OSBPL9: variants seen among roughly 807,000 people sequenced by gnomAD.
OSBPL9 encodes the protein oxysterol binding protein like 9.
In OSBPL9, 40 loss-of-function variants were observed where a neutral mutation model predicts 106.6. That is an observed-to-expected ratio of 0.38 (90% CI 0.29 to 0.49). The LOEUF (loss-of-function observed/expected upper bound fraction) is 0.49, where lower values mean the gene tolerates loss of function less well. Ranked by LOEUF, OSBPL9 falls within the 20% of genes least tolerant of loss-of-function variation. OSBPL9 has a pLI of 0.97. For missense variants in OSBPL9, 609 were observed against 887.2 expected (o/e 0.69, Z 3.98); for synonymous variants, 269 against 295.4 (o/e 0.91, Z 0.92).
At chr1:51,634,886 A>C (rs1184555963) in intron 1 of OSBPL9, among the ~76,000 whole-genome samples, 2 of 152,206 alleles carry the variant, frequency 1.3e-5, no homozygotes, top group Non-Finnish European at 2.9e-5. Context: ...AACCAAGGGA[A>C]GAGGGAAACC....
At chr1:51,683,470 G>A (rs1394555628) in intron 3 of OSBPL9, among the ~76,000 whole-genome samples, 1 of 151,628 alleles carries the variant, frequency 6.6e-6, no homozygotes, top group Non-Finnish European at 1.5e-5. Context: ...ATGAGCCACT[G>A]TGCCCAGCCG....
intron 11 of OSBPL9, 67 bp downstream of exon 11, chr1:51,762,038 C>T (rs1415294107): frequency 1.7e-6 from 2 of 1,151,496 alleles, no homozygotes; most frequent in Non-Finnish European, 2.6e-6. Context: ...TTTGTGACCT[C>T]TGATGAGGAG....
intron 1 of OSBPL9, among the ~76,000 whole-genome samples, chr1:51,623,971 G>A (rs1644604394): frequency 6.6e-6 from 1 of 151,404 alleles, no homozygotes; most frequent in Non-Finnish European, 1.5e-5. Flanking sequence ...AGGTTGGAGT[G>A]CAGTGGCACG....
At chr1:51,755,290 A>G (rs1207520837) in intron 8 of OSBPL9, among the ~76,000 whole-genome samples, 2 of 152,154 alleles carry the variant, frequency 1.3e-5, no homozygotes, top group Non-Finnish European at 2.9e-5. Flanking sequence ...TTTTTGTTAT[A>G]TTTACAAAAT....
chr1:51,540,900 A>G, the OSBPL9 span, among the ~76,000 whole-genome samples: 1 of 151,534 alleles, frequency 6.6e-6, no homozygotes, highest in Non-Finnish European at 1.5e-5. Flanking sequence ...TGGAGGCTGC[A>G]GTCAGCCAAG....
chr1:51,668,737 C>A (rs1267570084), intron 2 of OSBPL9, among the ~76,000 whole-genome samples: 3 of 152,180 alleles, frequency 2.0e-5, no homozygotes, highest in African/African-American at 7.2e-5. Context: ...TGTGCCTGCC[C>A]ACCCCCCAGT....
At chr1:51,608,681 G>GGA (rs1557583184) in intron 2 of OSBPL9, among the ~76,000 whole-genome samples, 2 of 151,690 alleles carry the variant, frequency 1.3e-5, no homozygotes, top group African/African-American at 4.8e-5. Flanking sequence ...CTGGATTGGG[G>GGA]GGGGGGGCTT....
the OSBPL9 span, chr1:51,519,365 C>G: frequency 3.0e-6 from 1 of 335,532 alleles, no homozygotes; most frequent in East Asian, 4.8e-5. Flanking sequence ...CCACAACTTC[C>G]CTCCCCACGC....
the OSBPL9 span, among the ~76,000 whole-genome samples, chr1:51,537,741 A>G: frequency 6.6e-6 from 1 of 151,806 alleles, no homozygotes; most frequent in Non-Finnish European, 1.5e-5. Flanking sequence ...GGGTCTCACT[A>G]TGTTGCCCAG....
intron 3 of OSBPL9, among the ~76,000 whole-genome samples, chr1:51,681,479 A>G (rs771540016): frequency 6.6e-6 from 1 of 152,040 alleles, no homozygotes; most frequent in African/African-American, 2.4e-5. Flanking sequence ...TACTGTTTTC[A>G]GCATTCTTAA....
the OSBPL9 span, among the ~76,000 whole-genome samples, chr1:51,544,065 G>A: frequency 1.3e-5 from 2 of 152,294 alleles, no homozygotes; most frequent in East Asian, 1.9e-4. Flanking sequence ...TAAACTTTGC[G>A]TAGCACTTGA....
intron 1 of OSBPL9, among the ~76,000 whole-genome samples, chr1:51,584,343 T>C (rs1021873343): frequency 2.6e-5 from 4 of 152,204 alleles, no homozygotes; most frequent in Admixed American, 6.6e-5. Context: ...ACTCACCATG[T>C]GACTTTAGGA....
At chr1:51,783,795 T>C (rs1676961131) in intron 17 of OSBPL9, 120 bp from the exon 18 acceptor site, 11 of 710,128 alleles carry the variant, frequency 1.5e-5, no homozygotes, top group South Asian at 9.1e-5. Context: ...CCTGGCGTAA[T>C]TGGAGGCTGT....
At chr1:51,563,182 C>G in the OSBPL9 span, among the ~76,000 whole-genome samples, 2 of 152,170 alleles carry the variant, frequency 1.3e-5, no homozygotes, top group African/African-American at 4.8e-5. Context: ...TGCACTGCAG[C>G]CTGGGTGACA....
At chr1:51,711,299 C>G (rs535367007) in intron 3 of OSBPL9, among the ~76,000 whole-genome samples, 1 of 150,530 alleles carries the variant, frequency 6.6e-6, no homozygotes, top group African/African-American at 2.4e-5. Context: ...AGAGGTGCCC[C>G]TCACCTCCCG....
rs889849076 is a variant in OSBPL9, at chr1:51,597,437, G to A, written c.-422-687G>A. 2.7e-4 allele frequency among the ~76,000 whole-genome samples: 40 copies of A among 150,240 alleles called. No homozygotes were observed. The East Asian group carries it at 2.9e-3, about 11-fold the overall frequency. ...TATATATATATATGTGTGTGTGTGT[G>A]TGTGTGTGTGTGTGTGTGTGTGTAT... is the stretch of plus-strand genomic sequence containing the variant. On this transcript the variant is annotated intron_variant, in intron 1 of 25. Coordinates refer to the OSBPL9 transcript ENST00000371714.
At chr1:51,711,901 C>T (rs1461231405) in intron 3 of OSBPL9, among the ~76,000 whole-genome samples, 1 of 151,602 alleles carries the variant, frequency 6.6e-6, no homozygotes, top group Non-Finnish European at 1.5e-5. Flanking sequence ...GGATGGCGGC[C>T]GGGCAGAGAT....
chr1:51,587,230 T>A (rs1259801296), intron 1 of OSBPL9, among the ~76,000 whole-genome samples: 1 of 152,182 alleles, frequency 6.6e-6, no homozygotes, highest in African/African-American at 2.4e-5. Flanking sequence ...CTAGGCGTGG[T>A]GGCATGTGCC....
chr1:51,785,388 C>G (rs1480410074), intron 20 of OSBPL9: 1 of 168,732 alleles, frequency 5.9e-6, no homozygotes, highest in Non-Finnish European at 1.3e-5. Context: ...AGGTCCCTTT[C>G]AACCTGAGGA....
Sources: allele counts gnomAD v4.1 joint callset (sites outside exome capture counted in the v4.1 genomes callset), GRCh38; gene constraint gnomAD v4.1.1; transcripts MANE v1.5; gene names NCBI Gene and HGNC (gene_info 2026-07-23, HGNC 2026-07-21).